Variants in BICC1 observed in about 807,000 individuals in gnomAD.
BICC1 encodes the protein protein bicaudal C homolog 1.
A neutral mutation model predicts 111.0 loss-of-function variants in BICC1; 43 were observed. That is an observed-to-expected ratio of 0.39 (90% CI 0.30 to 0.50). BICC1 has a LOEUF of 0.50. Among genes scored for constraint, BICC1 ranks in the 20% least tolerant of loss-of-function variants. The probability of loss-of-function intolerance (pLI) is 0.88; values close to 1 mark genes in which losing one functional copy is unlikely to be tolerated. For missense variants in BICC1, 1,091 were observed against 1,203.2 expected, an observed-to-expected ratio of 0.91 and a Z score of 1.38; for synonymous variants, 467 against 434.4, an observed-to-expected ratio of 1.07 and a Z score of -0.93.
intron 1 of BICC1, among the ~76,000 whole-genome samples, chr10:58,542,701 G>T (rs1470280682): frequency 6.6e-6 from 1 of 152,008 alleles, no homozygotes; most frequent in South Asian, 2.1e-4. Flanking sequence ...CAAAGGACTC[G>T]AATATATCAA....
intron 3 of BICC1, among the ~76,000 whole-genome samples, chr10:58,708,793 C>T (rs918818265): frequency 1.3e-5 from 2 of 152,196 alleles, no homozygotes; most frequent in African/African-American, 2.4e-5. Flanking sequence ...ACCTAGCCCC[C>T]AGGTGGTCTT....
intron 2 of BICC1, among the ~76,000 whole-genome samples, chr10:58,623,610 G>C (rs1845895292): frequency 6.6e-6 from 1 of 152,210 alleles, no homozygotes; most frequent in South Asian, 2.1e-4. Flanking sequence ...GAGTCTTCCA[G>C]CTGGGTTGGT....
At chr10:58,694,002 C>T (rs1839994929) in intron 2 of BICC1, among the ~76,000 whole-genome samples, 1 of 151,932 alleles carries the variant, frequency 6.6e-6, no homozygotes. Flanking sequence ...TAGGTCATAT[C>T]TCCATCTTTT....
At chr10:58,547,294 TCTTG>T (rs1169515770) in intron 1 of BICC1, among the ~76,000 whole-genome samples, 1 of 152,190 alleles carries the variant, frequency 6.6e-6, no homozygotes, top group Non-Finnish European at 1.5e-5. Context: ...CTCAGACTCC[TCTTG>T]CTTTTGATGA....
intron 2 of BICC1, among the ~76,000 whole-genome samples, chr10:58,662,379 C>T (rs1390662839): frequency 6.6e-6 from 1 of 152,158 alleles, no homozygotes; most frequent in Non-Finnish European, 1.5e-5. Context: ...GGGTTTTCCA[C>T]CCATGATGAA....
rs2132287166 is a variant in BICC1, at chr10:58,660,693, A to G, written c.237+39792A>G. Among the ~76,000 whole-genome samples the G allele has an allele frequency of 1.3e-5, 2 of 151,928 alleles. 1 individual carries two copies. Among genetic ancestry groups the G allele is most frequent in the South Asian group, 4.2e-4 (2 of 4,804 alleles). On this transcript the variant is annotated intron_variant, in intron 2 of 20. Transcript: ENST00000373886. Reference sequence around the variant, plus strand: ...CCTTCTGACATCTTTGTACCCTCCCATTACCTCCCTTCCTTGGCTACCAGT... The same window carrying G: ...CCTTCTGACATCTTTGTACCCTCCCGTTACCTCCCTTCCTTGGCTACCAGT...
At chr10:58,756,689 G>A (rs113830857) in intron 3 of BICC1, among the ~76,000 whole-genome samples, 3 of 145,818 alleles carry the variant, frequency 2.1e-5, no homozygotes, top group African/African-American at 7.9e-5. Context: ...AACTGTAATG[G>A]CATATTAAGT....
At chr10:58,606,027 TGG>T (rs1369514979) in intron 1 of BICC1, among the ~76,000 whole-genome samples, 1 of 152,192 alleles carries the variant, frequency 6.6e-6, no homozygotes, top group Non-Finnish European at 1.5e-5. Flanking sequence ...ATTTTCCACA[TGG>T]TTAAGATTTC....
At chr10:58,759,395 C>T (rs201564580) in intron 3 of BICC1, among the ~76,000 whole-genome samples, 1 of 152,086 alleles carries the variant, frequency 6.6e-6, no homozygotes, top group Non-Finnish European at 1.5e-5. Flanking sequence ...GAACACTAGT[C>T]TAAATATCTA....
intron 2 of BICC1, among the ~76,000 whole-genome samples, chr10:58,663,408 A>G (rs1382479864): frequency 3.3e-5 from 5 of 151,658 alleles, no homozygotes; most frequent in Admixed American, 6.6e-5. Context: ...CTTCCTCCCA[A>G]CTTCTAGCAC....
intron 2 of BICC1, among the ~76,000 whole-genome samples, chr10:58,672,279 T>C (rs1839207963): frequency 6.6e-6 from 1 of 152,096 alleles, no homozygotes; most frequent in South Asian, 2.1e-4. Context: ...CAACCACCAT[T>C]CTACTTTCTT....
At chr10:58,792,319 C>T (rs188469323) in intron 8 of BICC1, among the ~76,000 whole-genome samples, 15 of 151,906 alleles carry the variant, frequency 9.9e-5, no homozygotes, top group Admixed American at 9.8e-4. Context: ...CAATTTACTC[C>T]AGGAAGGAGG....
At chr10:58,745,599 A>ACCCCCCC (rs1564589090) in intron 3 of BICC1, among the ~76,000 whole-genome samples, 8 of 41,714 alleles carry the variant, frequency 1.9e-4, no homozygotes, top group East Asian at 1.1e-3. Flanking sequence ...AGAGCCCCCC[A>ACCCCCCC]CCGCCCCCCC....
chr10:58,691,441 A>T (rs1839904297), intron 2 of BICC1, among the ~76,000 whole-genome samples: 1 of 152,200 alleles, frequency 6.6e-6, no homozygotes, highest in East Asian at 1.9e-4. Flanking sequence ...AGGAACCCCA[A>T]GACCTGTTCT....
intron 1 of BICC1, among the ~76,000 whole-genome samples, chr10:58,560,185 A>G (rs899089087): frequency 6.6e-6 from 1 of 152,040 alleles, no homozygotes; most frequent in East Asian, 1.9e-4. Context: ...CAGGAAAGTC[A>G]TCCATTCTTG....
chr10:58,797,300 C>CA (rs1843386989), intron 10 of BICC1, among the ~76,000 whole-genome samples: 3 of 151,962 alleles, frequency 2.0e-5, no homozygotes, highest in African/African-American at 4.8e-5. Context: ...TGATTTGAGA[C>CA]AAAAAAGAAT....
intron 1 of BICC1, among the ~76,000 whole-genome samples, chr10:58,524,620 C>G (rs1842480530): frequency 2.6e-5 from 4 of 152,040 alleles, no homozygotes; most frequent in Non-Finnish European, 5.9e-5. Flanking sequence ...AGAAGAAAAC[C>G]TAGGCATTAC....
At chr10:58,707,192 A>G (rs1564566162) in intron 3 of BICC1, among the ~76,000 whole-genome samples, 1 of 152,240 alleles carries the variant, frequency 6.6e-6, no homozygotes, top group Non-Finnish European at 1.5e-5. Context: ...ATTTTATCAG[A>G]ACAAGTAGGT....
intron 1 of BICC1, among the ~76,000 whole-genome samples, chr10:58,576,580 C>T (rs1484692827): frequency 6.6e-6 from 1 of 152,192 alleles, no homozygotes; most frequent in African/African-American, 2.4e-5. Context: ...TCGTGCCTCC[C>T]ATCCTCAACT....
Sources: gnomAD v4.1 joint callset for allele counts (sites outside exome capture counted in the v4.1 genomes callset) on GRCh38, gnomAD v4.1.1 for gene constraint, MANE v1.5 for transcripts, NCBI Gene and HGNC (gene_info 2026-07-23, HGNC 2026-07-21) for gene names.